DHTKD1: variants seen among roughly 807,000 people sequenced by gnomAD.
The protein encoded by DHTKD1 is dehydrogenase E1 and transketolase domain containing 1.
A neutral mutation model predicts 101.8 loss-of-function variants in DHTKD1; 78 were observed. The observed-to-expected ratio is 0.77, with a 90% CI of 0.64 to 0.93. DHTKD1 has a LOEUF of 0.93. DHTKD1 is among the 40% of genes least tolerant of loss of function. The pLI, the probability that DHTKD1 is intolerant of heterozygous loss-of-function variation, is 0.00. For synonymous variants in DHTKD1, 462 were observed against 450.3 expected (o/e 1.03, Z -0.33); for missense variants, 1,223 against 1,161.7 (o/e 1.05, Z -0.77).
At chr10:12,117,862 T>A (rs199537654) in intron 14 of DHTKD1, 107 bp downstream of exon 14, 1 of 70,172 alleles carries the variant, frequency 1.4e-5, no homozygotes, top group African/African-American at 6.7e-5. Context: ...CCTCTCCTAT[T>A]TTTATTTATT....
rs114467139 is a variant in DHTKD1, at chr10:12,094,750, G to T, written c.1358+479G>T. The stretch of plus-strand genomic sequence containing the variant: ...CTGGGTTCAAGCAATTGCAATTCTT[G>T]TGCCTCAGCTTCCTGAGTAGCTGGG... On this transcript the variant is annotated intron_variant, in intron 7 of 16. Coordinates refer to ENST00000263035, the MANE Select transcript of DHTKD1 (RefSeq NM_018706.7). Among the ~76,000 whole-genome samples, 1,429 of 152,170 alleles carry T rather than the reference G, an allele frequency of 9.4e-3. 32 individuals are homozygous for T. Among genetic ancestry groups the T allele is most frequent in the African/African-American group, 0.033 (1,356 of 41,520 alleles).
rs79706091 is a variant in DHTKD1 at position 12,112,872 on chromosome 10, T to C, written c.2155-28T>C. ...ACTGAAATAGATGATCTGAACATTC[T>C]TCTCCTTTCTTGCCACTTCTCTCCC... On this transcript the variant is annotated intron_variant, in intron 12 of 16. Coordinates refer to ENST00000263035, the MANE Select transcript of DHTKD1 (RefSeq NM_018706.7). 1.2e-3 allele frequency: 1,867 copies of C among 1,574,270 alleles called. 17 individuals are homozygous for C. The African/African-American group carries it at 0.022, about 19-fold the overall frequency.
intron 2 of DHTKD1, among the ~76,000 whole-genome samples, chr10:12,083,408 C>A (rs2131353818): frequency 6.6e-6 from 1 of 152,188 alleles, no homozygotes; most frequent in South Asian, 2.1e-4. Context: ...AGCCTGTGGG[C>A]TGTGGGTTGG....
At chr10:12,090,541 G>A (rs1272206803) in intron 5 of DHTKD1, among the ~76,000 whole-genome samples, 1 of 151,442 alleles carries the variant, frequency 6.6e-6, no homozygotes, top group East Asian at 1.9e-4. Context: ...GGAGTGCAAT[G>A]GTGCAATCAT....
In DHTKD1 at chr10:12,107,511, G is replaced by A. The variant is rs1833268495; in HGVS notation, c.2048-398G>A. Among the ~76,000 whole-genome samples, 2 of 151,772 alleles carry A rather than the reference G, an allele frequency of 1.3e-5. No individual in the cohort carries two copies. Among genetic ancestry groups the A allele is most frequent in the South Asian group, 4.2e-4 (2 of 4,792 alleles). On this transcript the variant is annotated intron_variant, in intron 11 of 16. Transcript: ENST00000263035. This position sits in a 1 kb window ranked among gnomAD's most constrained non-coding sequence, Gnocchi z 4.1. ...CAGGACACTGCAACCTCTATCTCCC[G>A]GGGTCAAGTGATTCTCCCACCTCAG...
Position 12,091,959 on chromosome 10 carries a change from C to T in DHTKD1, c.1159+275C>T, listed in dbSNP as rs554091212. Among the ~76,000 whole-genome samples the T allele has an allele frequency of 4.2e-3, 640 of 151,702 alleles. 6 individuals carry two copies. The highest frequency in any genetic ancestry group is 0.012 in the African/African-American group (477 of 41,344). ...AGCTGGGACCACATGCGTGCACCACCATGTCTGGCTAATTTTTTTTTTTTT... is the reference window on the plus strand; with the variant it reads ...AGCTGGGACCACATGCGTGCACCACTATGTCTGGCTAATTTTTTTTTTTTT... On this transcript the variant is annotated intron_variant, in intron 6 of 16. Coordinates refer to ENST00000263035, the MANE Select transcript of DHTKD1 (RefSeq NM_018706.7).
intron 9 of DHTKD1, 25 bp downstream of exon 9, chr10:12,100,287 G>GTTTTTTTTTTTGTTT: frequency 1.5e-5 from 4 of 269,858 alleles, no homozygotes; most frequent in South Asian, 4.2e-5. Context: ...TTTTTTTTCT[G>GTTTTTTTTTTTGTTT]TTTTTTTTTT....
At chr10:12,081,960 C>T (rs914563355) in intron 2 of DHTKD1, among the ~76,000 whole-genome samples, 3 of 88,898 alleles carry the variant, frequency 3.4e-5, no homozygotes, top group African/African-American at 1.6e-4. Flanking sequence ...ACTGTCTCTA[C>T]AAAAAAAAAA....
Position 12,086,466 on chromosome 10 carries a change from C to T in DHTKD1, c.523-1069C>T, listed in dbSNP as rs114819569. Among the ~76,000 whole-genome samples, 557 of 151,302 alleles carry T rather than the reference C, an allele frequency of 3.7e-3. 4 individuals carry two copies. The highest frequency in any genetic ancestry group is 0.013 in the African/African-American group (529 of 41,288). Reference sequence around the variant, plus strand: ...GATCTCCTGACCTCGTGATTCACTCCCATCAGCCTTCCAAAGTGCTGGGAT... The same window carrying T: ...GATCTCCTGACCTCGTGATTCACTCTCATCAGCCTTCCAAAGTGCTGGGAT... On this transcript the variant is annotated intron_variant, in intron 3 of 16. Coordinates refer to ENST00000263035, the MANE Select transcript of DHTKD1 (RefSeq NM_018706.7).
rs766251442 is a variant in DHTKD1, at chr10:12,069,135, G to A, written c.102G>A (p.Arg34=). 6.3e-6 allele frequency: 10 copies of A among 1,588,608 alleles called. No homozygotes were observed. Among genetic ancestry groups the A allele is most frequent in the Admixed American group, 1.8e-5 (1 of 55,902 alleles). The change falls in exon 1 of 17, where the codon CGG becomes CGA. Residue 34 remains arginine, a synonymous_variant. Coordinates refer to ENST00000263035, the MANE Select transcript of DHTKD1 (RefSeq NM_018706.7). ...YQTERGVYGY[R]PRKPESREPQ... ...CCGAGCGGGGCGTTTACGGCTACCG[G>A]CCGAGGAAGCCCGAGAGCCGCGAGC...
chr10:12,114,966 T>C (rs1322900269), intron 13 of DHTKD1, among the ~76,000 whole-genome samples: 4 of 152,048 alleles, frequency 2.6e-5, no homozygotes, highest in Non-Finnish European at 5.9e-5. Flanking sequence ...CTGCTAATTT[T>C]TTGTATTTTT....
intron 14 of DHTKD1, 68 bp downstream of exon 14, chr10:12,117,823 TTAAGAGA>T: frequency 1.4e-6 from 1 of 724,098 alleles, no homozygotes; most frequent in Non-Finnish European, 2.4e-6. Context: ...GTAGTTCACA[TTAAGAGA>T]TCACAGGTGA....
chr10:12,087,393 C>A lies in DHTKD1; in HGVS notation c.523-142C>A, dbSNP rs559826366. 2.4e-5 allele frequency: 15 copies of A among 636,236 alleles called. No individual in the cohort carries two copies. The highest frequency in any genetic ancestry group is 1.5e-4 in the African/African-American group (8 of 54,426). 39.4% of individuals were successfully genotyped at this position (636,236 alleles called of 1,614,324 possible). ...CCCGCTGTGTCCGTGTTATGTCTCT[C>A]TCCGGGATATGTAGTAAAGTGGCAT... On this transcript the variant is annotated intron_variant, in intron 3 of 16. Transcript: ENST00000263035. This position sits in a 1 kb window ranked among gnomAD's most constrained non-coding sequence, Gnocchi z 5.2.
chr10:12,120,473 AC>A lies in DHTKD1; in HGVS notation c.2658+207del, dbSNP rs1031640626. ...CTCAGCCTCCCAAGTAGCTGGGACT[AC>A]AGGCGCCCGCCACCACACCCAGCTA... On this transcript the variant is annotated intron_variant, in intron 16 of 16. Coordinates refer to ENST00000263035, the MANE Select transcript of DHTKD1 (RefSeq NM_018706.7). 1.1e-5 allele frequency: 6 copies of A among 526,098 alleles called. No homozygotes were observed. The African/African-American group carries it at 1.2e-4, about 10-fold the overall frequency. 32.6% of individuals were successfully genotyped at this position (526,098 alleles called of 1,614,324 possible).
At chr10:12,092,787 G>A (rs1190109936) in intron 6 of DHTKD1, among the ~76,000 whole-genome samples, 2 of 151,888 alleles carry the variant, frequency 1.3e-5, no homozygotes, top group Non-Finnish European at 2.9e-5. Context: ...TGGGCAACAA[G>A]AGCGAAACTC....
At chr10:12,119,834 A>C (rs1324488396) in intron 15 of DHTKD1, among the ~76,000 whole-genome samples, 2 of 152,068 alleles carry the variant, frequency 1.3e-5, no homozygotes, top group Non-Finnish European at 2.9e-5. Context: ...AAAAAAGAAA[A>C]AAGAAAATGC....
At chr10:12,113,770 A>C (rs1833371910) in intron 13 of DHTKD1, among the ~76,000 whole-genome samples, 1 of 151,978 alleles carries the variant, frequency 6.6e-6, no homozygotes, top group South Asian at 2.1e-4. Context: ...TGAAAAAAAA[A>C]ATTGGCCGGT....
rs1341646756 is a variant in DHTKD1 at position 12,091,551 on chromosome 10, T to C, written c.1026T>C (p.Val342=). The change falls in exon 6 of 17, where the codon GTT becomes GTC. Residue 342 remains valine (V), a synonymous_variant. Transcript: ENST00000263035. Reference sequence around the variant, plus strand: ...CTTCTTTCTGTGGTCAAGGGATTGTTCCTGAAACATTCACGCTGTCCAATC... The same window carrying C: ...CTTCTTTCTGTGGTCAAGGGATTGTCCCTGAAACATTCACGCTGTCCAATC... ...GDASFCGQGI[V]PETFTLSNLP... is the part of the protein sequence containing the mutation. 1 of 1,612,416 alleles carries C rather than the reference T, an allele frequency of 6.2e-7. No individual in the cohort carries two copies. The highest frequency in any genetic ancestry group is 8.5e-7 in the Non-Finnish European group (1 of 1,179,790).
rs1421439478 is a variant in DHTKD1 at position 12,108,020 on chromosome 10, G to T, written c.2154+5G>T. ...CGAATAGAGCGTTTCCTGCAGGTAAGGGTAACGTCTTCCGGAGTCAATGAA... is the reference window on the plus strand; with the variant it reads ...CGAATAGAGCGTTTCCTGCAGGTAATGGTAACGTCTTCCGGAGTCAATGAA... On this transcript the variant is annotated splice_donor_5th_base_variant and intron_variant, in intron 12 of 16. Transcript: ENST00000263035. The T allele has an allele frequency of 3.7e-6, 6 of 1,604,934 alleles. No homozygotes were observed. Among genetic ancestry groups the T allele is most frequent in the Non-Finnish European group, 5.1e-6 (6 of 1,171,964 alleles).
Sources: allele counts gnomAD v4.1 joint callset (sites outside exome capture counted in the v4.1 genomes callset), GRCh38; gene constraint gnomAD v4.1.1; non-coding constraint Gnocchi (gnomAD v3.1); transcripts MANE v1.5; gene names NCBI Gene and HGNC (gene_info 2026-07-23, HGNC 2026-07-21).